The following CSGALNACT2 variants were observed in gnomAD, a reference collection of about 807,000 sequenced individuals.
The protein encoded by CSGALNACT2 is beta 4 GalNAcT-2.
CSGALNACT2 carries 35 observed loss-of-function variants against 55.3 expected under a neutral mutation model. That is an observed-to-expected ratio of 0.63 (90% CI 0.48 to 0.84). CSGALNACT2 has a LOEUF of 0.84. Ranked by LOEUF, CSGALNACT2 falls within the 40% of genes least tolerant of loss-of-function variation. The probability of loss-of-function intolerance (pLI) is 0.00; values close to 1 mark genes in which losing one functional copy is unlikely to be tolerated. For missense variants in CSGALNACT2, 544 were observed against 657.5 expected (o/e 0.83, Z 1.89); for synonymous variants, 196 against 224.9 (o/e 0.87, Z 1.15).
In CSGALNACT2 at chr10:43,183,193, C is replaced by T. The variant is rs1839624595; in HGVS notation, c.1337-57C>T. The T allele has an allele frequency of 5.4e-6, 7 of 1,300,190 alleles. No individual in the cohort carries two copies. The Admixed American group carries it at 6.9e-5, about 13-fold the overall frequency. 80.5% of individuals were successfully genotyped at this position (1,300,190 alleles called of 1,614,324 possible). A position where few individuals can be genotyped will look rare whatever the true frequency, so the allele number is the denominator to read the frequency against. On this transcript the variant is annotated intron_variant, in intron 7 of 7. Transcript: ENST00000374466. ...AGAACATTTAAAATTTTATATATAT[C>T]CCTGTGCTCTGGCTAATAATAGGCA...
chr10:43,183,247 C>T lies in CSGALNACT2; in HGVS notation c.1337-3C>T, dbSNP rs374198490. On this transcript the variant is annotated splice_polypyrimidine_tract_variant and splice_region_variant and intron_variant, in intron 7 of 7. Transcript: ENST00000374466. ...ATTTATAGTGTCAATTTTGATCTTA[C>T]AGGTGGATTTGACATGGAAGTGAAA... 1.1e-4 allele frequency: 171 copies of T among 1,608,696 alleles called. No homozygotes were observed. Among genetic ancestry groups the T allele is most frequent in the Non-Finnish European group, 1.4e-4 (167 of 1,175,108 alleles).
chr10:43,183,632 A>G lies in CSGALNACT2; in HGVS notation c.*90A>G. On this transcript the variant is annotated 3_prime_UTR_variant, in exon 8 of 8. Transcript: ENST00000374466. ...CTTCCAGATGCAGTGCCTCTTTTGG[A>G]GAAGACATGTTTATTTTTCATGTTC... 1.0e-6 allele frequency: 1 copy of G among 999,882 alleles called. No homozygotes were observed. Among genetic ancestry groups the G allele is most frequent in the South Asian group, 1.5e-5 (1 of 64,716 alleles). 61.9% of individuals were successfully genotyped at this position (999,882 alleles called of 1,614,324 possible).
At chr10:43,167,139 T>G (rs775725685) in intron 6 of CSGALNACT2, 41 bp downstream of exon 6, 1 of 1,256,696 alleles carries the variant, frequency 8.0e-7, no homozygotes. Flanking sequence ...ACTCTAAAGA[T>G]CTTTTCTAGA....
At chr10:43,157,826 C>G (rs570836838) in intron 2 of CSGALNACT2, among the ~76,000 whole-genome samples, 33 of 152,018 alleles carry the variant, frequency 2.2e-4, no homozygotes, top group African/African-American at 7.0e-4. Flanking sequence ...GTCAAGAGAT[C>G]AAGACCATCC....
At chr10:43,145,116 A>G (rs1838716297) in intron 1 of CSGALNACT2, among the ~76,000 whole-genome samples, 1 of 152,202 alleles carries the variant, frequency 6.6e-6, no homozygotes. Flanking sequence ...ACATTTGTGT[A>G]CAAGTTTTGG....
intron 5 of CSGALNACT2, among the ~76,000 whole-genome samples, chr10:43,166,315 C>T (rs1325499970): frequency 6.6e-6 from 1 of 152,208 alleles, no homozygotes; most frequent in Non-Finnish European, 1.5e-5. Flanking sequence ...TGCCATGTTA[C>T]TCCCACACTT....
At chr10:43,183,064 C>G (rs925547462) in intron 7 of CSGALNACT2, among the ~76,000 whole-genome samples, 186 bp from the exon 8 acceptor site, 5 of 152,130 alleles carry the variant, frequency 3.3e-5, no homozygotes, top group Admixed American at 1.3e-4. Flanking sequence ...CTCCTTGAGT[C>G]CAAGTGTCAG....
intron 4 of CSGALNACT2, chr10:43,162,142 A>C (rs1839163404): frequency 3.9e-6 from 2 of 518,802 alleles, no homozygotes; most frequent in African/African-American, 3.9e-5. Flanking sequence ...AATACCATCA[A>C]AATTCTCGTC....
intron 1 of CSGALNACT2, among the ~76,000 whole-genome samples, chr10:43,150,872 A>T (rs1349274712): frequency 6.6e-6 from 1 of 152,156 alleles, no homozygotes; most frequent in African/African-American, 2.4e-5. Flanking sequence ...AGAGCTTATC[A>T]ATGCTTTGTT....
At chr10:43,151,618 C>G (rs763779052) in intron 1 of CSGALNACT2, among the ~76,000 whole-genome samples, 7 of 152,116 alleles carry the variant, frequency 4.6e-5, no homozygotes, top group Admixed American at 1.3e-4. Flanking sequence ...TGCCAAATAC[C>G]CATGGGATAT....
chr10:43,143,623 G>C (rs1483514584), intron 1 of CSGALNACT2, among the ~76,000 whole-genome samples: 2 of 152,074 alleles, frequency 1.3e-5, no homozygotes, highest in African/African-American at 4.8e-5. Context: ...GAGGCCCTGA[G>C]AGGTGAAGTG....
intron 1 of CSGALNACT2, among the ~76,000 whole-genome samples, chr10:43,147,343 GTTA>G (rs143382779): frequency 0.78 from 118,933 of 151,776 alleles, 47,158 homozygotes; most frequent in African/African-American, 0.88. Flanking sequence ...AGTTGTGTTT[GTTA>G]TTATTTCATT....
intron 1 of CSGALNACT2, among the ~76,000 whole-genome samples, chr10:43,152,377 A>T (rs1481938126): frequency 6.6e-6 from 1 of 151,798 alleles, no homozygotes; most frequent in East Asian, 1.9e-4. Flanking sequence ...GGCAAATAAG[A>T]TTTTAATTGA....
intron 6 of CSGALNACT2, among the ~76,000 whole-genome samples, chr10:43,171,276 T>C (rs1839376655): frequency 6.6e-6 from 1 of 152,150 alleles, no homozygotes; most frequent in Non-Finnish European, 1.5e-5. Flanking sequence ...AGGTTGTATA[T>C]TAAAATTAAT....
At chr10:43,180,690 T>C (rs1044187772) in intron 7 of CSGALNACT2, among the ~76,000 whole-genome samples, 2 of 152,248 alleles carry the variant, frequency 1.3e-5, no homozygotes, top group Non-Finnish European at 2.9e-5. Flanking sequence ...GGACTTGATA[T>C]ACTGCGTAAA....
At chr10:43,182,844 C>T (rs1415035504) in intron 7 of CSGALNACT2, among the ~76,000 whole-genome samples, 2 of 149,428 alleles carry the variant, frequency 1.3e-5, no homozygotes, top group African/African-American at 4.9e-5. Context: ...CACTGCACTC[C>T]AGCCTGGGTG....
At chr10:43,177,155 C>T (rs970784062) in intron 7 of CSGALNACT2, among the ~76,000 whole-genome samples, 1 of 152,284 alleles carries the variant, frequency 6.6e-6, no homozygotes, top group East Asian at 1.9e-4. Context: ...AACTGATGCT[C>T]TTTTCCTTGA....
At position 43,162,688 on chromosome 10, in the gene CSGALNACT2, C is replaced by G. The variant is rs956250052; in HGVS notation, c.981-1178C>G. On this transcript the variant is annotated intron_variant, in intron 4 of 7. Coordinates refer to ENST00000374466, the MANE Select transcript of CSGALNACT2 (RefSeq NM_018590.5). ...TGTTACTTTTTTGATTAGGCTGCAC[C>G]CTAGTGCAGTGAGTGATTCTCCAGC... 3 of 984,088 alleles carry G rather than the reference C, an allele frequency of 3.0e-6. No individual in the cohort carries two copies. In the Admixed American group the frequency reaches 1.8e-4, roughly 60 times the overall value. The allele number at this position is 984,088 out of a possible 1,614,324, so 61.0% of individuals were successfully genotyped here.
chr10:43,174,638 T>G (rs1839444654), intron 6 of CSGALNACT2, among the ~76,000 whole-genome samples: 2 of 152,160 alleles, frequency 1.3e-5, no homozygotes, highest in South Asian at 4.1e-4. Flanking sequence ...CTAAATCTTT[T>G]CCACATTCCA....
Sources: gnomAD v4.1 joint callset for allele counts (sites outside exome capture counted in the v4.1 genomes callset) on GRCh38, gnomAD v4.1.1 for gene constraint, MANE v1.5 for transcripts, NCBI Gene and HGNC (gene_info 2026-07-23, HGNC 2026-07-21) for gene names.